The following PIP4K2A variants were observed in gnomAD, a reference collection of about 807,000 sequenced individuals.
PIP4K2A encodes phosphatidylinositol-5-phosphate 4-kinase type 2 alpha, also known as phosphatidylinositol 5-phosphate 4-kinase type-2 alpha.
In PIP4K2A, 14 loss-of-function variants were observed where a neutral mutation model predicts 42.9. The observed-to-expected ratio is 0.33, with a 90% confidence interval of 0.22 to 0.51. PIP4K2A has a LOEUF of 0.51. Among genes scored for constraint, PIP4K2A ranks in the 20% least tolerant of loss-of-function variants. PIP4K2A has a pLI of 0.97. For missense variants in PIP4K2A, 434 were observed against 519.8 expected, an observed-to-expected ratio of 0.83 and a Z score of 1.61; for synonymous variants, 192 against 192.2, an observed-to-expected ratio of 1.00 and a Z score of 0.01.
At chr10:22,586,016 C>A (rs551980094) in intron 4 of PIP4K2A, among the ~76,000 whole-genome samples, 1 of 152,244 alleles carries the variant, frequency 6.6e-6, no homozygotes, top group East Asian at 1.9e-4. Flanking sequence ...TTCAAGTAGG[C>A]AAATAGGTTT....
chr10:22,686,197 C>A (rs1458269480), intron 1 of PIP4K2A, among the ~76,000 whole-genome samples: 2 of 152,164 alleles, frequency 1.3e-5, no homozygotes, highest in Admixed American at 1.3e-4. Context: ...ACTCATTATT[C>A]CCAAAGGCAG....
intron 3 of PIP4K2A, among the ~76,000 whole-genome samples, chr10:22,600,139 AAC>A (rs1837723685): frequency 1.3e-5 from 2 of 152,144 alleles, no homozygotes; most frequent in Non-Finnish European, 2.9e-5. Context: ...TTTTTTAAAC[AAC>A]CAAGCATTTT....
intron 6 of PIP4K2A, among the ~76,000 whole-genome samples, chr10:22,561,565 G>GTTTT (rs71394001): frequency 8.8e-6 from 1 of 113,500 alleles, no homozygotes; most frequent in Non-Finnish European, 1.7e-5. Context: ...TCTCTACGCA[G>GTTTT]TTTTTTTTTT....
At chr10:22,620,137 A>C (rs1160458481) in intron 1 of PIP4K2A, among the ~76,000 whole-genome samples, 1 of 152,212 alleles carries the variant, frequency 6.6e-6, no homozygotes, top group African/African-American at 2.4e-5. Context: ...AAACTCTCCC[A>C]TCTGTCAACT....
intron 4 of PIP4K2A, among the ~76,000 whole-genome samples, chr10:22,590,393 T>C (rs1837484304): frequency 6.6e-6 from 1 of 152,208 alleles, no homozygotes; most frequent in Non-Finnish European, 1.5e-5. Flanking sequence ...TGTTACGTTA[T>C]TTTTATACCA....
chr10:22,640,988 G>A (rs1588680128), intron 1 of PIP4K2A, among the ~76,000 whole-genome samples: 1 of 151,150 alleles, frequency 6.6e-6, no homozygotes, highest in East Asian at 1.9e-4. Context: ...ATTCCATTTT[G>A]AAAAAAAAAT....
At chr10:22,582,068 C>T (rs568391571) in intron 4 of PIP4K2A, among the ~76,000 whole-genome samples, 72 of 151,678 alleles carry the variant, frequency 4.7e-4, no homozygotes, top group Non-Finnish European at 5.0e-4. Flanking sequence ...CGCCACTGTA[C>T]TCCAGCCTGG....
chr10:22,632,767 A>G (rs1277107480), intron 1 of PIP4K2A, among the ~76,000 whole-genome samples: 2 of 152,316 alleles, frequency 1.3e-5, no homozygotes, highest in East Asian at 3.9e-4. Context: ...TATGGGGAAA[A>G]AAGGTAGGGG....
rs1351379153 is a variant in PIP4K2A, at chr10:22,535,908, C to T, written c.*1293G>A. On this transcript the variant is annotated 3_prime_UTR_variant, in exon 10 of 10. Coordinates refer to ENST00000376573, the MANE Select transcript of PIP4K2A (RefSeq NM_005028.5). ...TTTGGAGGAAAAAAAAATCCTTTTCCTTTTATTGTGAAAGACTGTCTACCA... is the reference window on the plus strand; with the variant it reads ...TTTGGAGGAAAAAAAAATCCTTTTCTTTTTATTGTGAAAGACTGTCTACCA... The T allele has an allele frequency of 2.1e-5, 8 of 386,348 alleles. No homozygotes were observed. The highest frequency in any genetic ancestry group is 1.7e-4 in the African/African-American group (8 of 48,340). The allele number at this position is 386,348 out of a possible 1,614,324, so 23.9% of individuals were successfully genotyped here. A position where few individuals can be genotyped will look rare whatever the true frequency, so the allele number is the denominator to read the frequency against.
chr10:22,653,229 G>A (rs1413201593), intron 1 of PIP4K2A, among the ~76,000 whole-genome samples: 1 of 152,142 alleles, frequency 6.6e-6, no homozygotes, highest in Admixed American at 6.5e-5. Context: ...TATGGAAAAG[G>A]TGAAAACTCC....
chr10:22,626,205 C>T (rs1339042518), intron 1 of PIP4K2A, among the ~76,000 whole-genome samples: 1 of 151,968 alleles, frequency 6.6e-6, no homozygotes, highest in Non-Finnish European at 1.5e-5. Context: ...TATCTAAATC[C>T]CAATCTTCTA....
chr10:22,663,422 CTTT>C (rs1455073824), intron 1 of PIP4K2A, among the ~76,000 whole-genome samples: 1 of 152,104 alleles, frequency 6.6e-6, no homozygotes, highest in Non-Finnish European at 1.5e-5. Context: ...GGTTGTTTGG[CTTT>C]TTCTTAATAT....
chr10:22,633,903 G>C (rs1410841849), intron 1 of PIP4K2A, among the ~76,000 whole-genome samples: 3 of 152,206 alleles, frequency 2.0e-5, no homozygotes, highest in South Asian at 4.1e-4. Flanking sequence ...AGTGCTAGGA[G>C]CGTGGAGCTG....
intron 1 of PIP4K2A, among the ~76,000 whole-genome samples, chr10:22,626,301 T>A (rs1838435805): frequency 6.6e-6 from 1 of 152,222 alleles, no homozygotes; most frequent in African/African-American, 2.4e-5. Context: ...GCTTTTCTCA[T>A]ATACTGAATT....
intron 1 of PIP4K2A, among the ~76,000 whole-genome samples, chr10:22,624,313 C>A (rs1055756105): frequency 6.6e-6 from 1 of 152,130 alleles, no homozygotes; most frequent in South Asian, 2.1e-4. Flanking sequence ...CATGTAAAAA[C>A]CAATATGGCA....
At chr10:22,549,331 G>C (rs1463944331) in intron 7 of PIP4K2A, among the ~76,000 whole-genome samples, 1 of 151,652 alleles carries the variant, frequency 6.6e-6, no homozygotes, top group Non-Finnish European at 1.5e-5. Flanking sequence ...TCATTCTGTG[G>C]CTTTCGTCAT....
intron 1 of PIP4K2A, among the ~76,000 whole-genome samples, chr10:22,645,438 C>T (rs559456684): frequency 6.6e-6 from 1 of 151,086 alleles, no homozygotes; most frequent in Admixed American, 6.6e-5. Flanking sequence ...CCCAGCTACT[C>T]GGGAGGCTGA....
intron 1 of PIP4K2A, among the ~76,000 whole-genome samples, chr10:22,667,148 G>A (rs973846128): frequency 2.0e-5 from 3 of 152,176 alleles, no homozygotes; most frequent in Non-Finnish European, 4.4e-5. Context: ...CATGTAAAAT[G>A]CCTTATTTTG....
chr10:22,585,261 C>G (rs1837367537), intron 4 of PIP4K2A, among the ~76,000 whole-genome samples: 1 of 152,136 alleles, frequency 6.6e-6, no homozygotes, highest in Admixed American at 6.5e-5. Context: ...TCAAAGAAGT[C>G]ACATGTTTGC....
Sources: allele counts gnomAD v4.1 joint callset (sites outside exome capture counted in the v4.1 genomes callset), GRCh38; gene constraint gnomAD v4.1.1; transcripts MANE v1.5; gene names NCBI Gene and HGNC (gene_info 2026-07-23, HGNC 2026-07-21).